DIAPH3: variants seen among roughly 807,000 people sequenced by gnomAD.
DIAPH3 encodes the protein diaphanous related formin 3.
DIAPH3 carries 117 observed loss-of-function variants against 144.3 expected under a neutral mutation model. The ratio of observed to expected loss-of-function variants is 0.81; its 90% CI spans 0.70 to 0.95. The LOEUF (loss-of-function observed/expected upper bound fraction) is 0.95. Among genes scored for constraint, DIAPH3 ranks in the 40% least tolerant of loss-of-function variants. DIAPH3 has a pLI of 0.00. For synonymous variants in DIAPH3, 519 were observed against 488.9 expected (o/e 1.06, Z -0.81); for missense variants, 1,421 against 1,412.7 (o/e 1.01, Z -0.09).
intron 17 of DIAPH3, among the ~76,000 whole-genome samples, chr13:59,927,268 C>A (rs1039080200): frequency 1.3e-5 from 2 of 152,026 alleles, no homozygotes; most frequent in Non-Finnish European, 2.9e-5. Flanking sequence ...TTTTTTTAAT[C>A]CATTCAGCCA....
chr13:59,968,936 AC>A (rs2050202295), intron 17 of DIAPH3, among the ~76,000 whole-genome samples: 1 of 152,180 alleles, frequency 6.6e-6, no homozygotes, highest in Non-Finnish European at 1.5e-5. Context: ...TCCATCCAGT[AC>A]AATCTCTCCC....
intron 1 of DIAPH3, among the ~76,000 whole-genome samples, chr13:60,152,475 C>T (rs1334447060): frequency 6.8e-6 from 1 of 147,458 alleles, no homozygotes; most frequent in African/African-American, 2.5e-5. Context: ...CACAGATTTA[C>T]TTTTAGGGAA....
intron 23 of DIAPH3, 36 bp downstream of exon 23, chr13:59,839,288 C>G: frequency 6.2e-7 from 1 of 1,610,078 alleles, no homozygotes; most frequent in Non-Finnish European, 8.5e-7. Context: ...CTCTAGTTGA[C>G]TAGTGACTTA....
chr13:59,801,128 T>C (rs1036127599), intron 25 of DIAPH3, among the ~76,000 whole-genome samples: 1 of 152,170 alleles, frequency 6.6e-6, no homozygotes, highest in African/African-American at 2.4e-5. Flanking sequence ...ATAATTGCAA[T>C]TCAGCACTAA....
chr13:59,789,582 A>C (rs980905106), intron 25 of DIAPH3, among the ~76,000 whole-genome samples: 5 of 152,134 alleles, frequency 3.3e-5, no homozygotes, highest in Non-Finnish European at 5.9e-5. Flanking sequence ...ATTTCACAGG[A>C]ATTTTCTTTC....
intron 27 of DIAPH3, among the ~76,000 whole-genome samples, chr13:59,722,914 T>C (rs1262461576): frequency 6.6e-6 from 1 of 152,174 alleles, no homozygotes; most frequent in East Asian, 1.9e-4. Flanking sequence ...ACTTACAATG[T>C]CATGATTAAA....
chr13:60,092,655 G>GAA (rs1157798538), intron 4 of DIAPH3, among the ~76,000 whole-genome samples: 1 of 143,384 alleles, frequency 7.0e-6, no homozygotes, highest in African/African-American at 2.6e-5. Flanking sequence ...CGTCTCAAAA[G>GAA]AAAAAAAAAA....
chr13:59,946,378 G>C (rs990039755), intron 17 of DIAPH3, among the ~76,000 whole-genome samples: 1 of 151,946 alleles, frequency 6.6e-6, no homozygotes, highest in African/African-American at 2.4e-5. Context: ...ATTAATGATG[G>C]GGAAAGTGAT....
intron 17 of DIAPH3, among the ~76,000 whole-genome samples, chr13:59,941,853 G>A (rs1483759049): frequency 1.2e-5 from 1 of 85,968 alleles, no homozygotes; most frequent in Admixed American, 1.4e-4. Flanking sequence ...AAGAAGGATG[G>A]CAAAAAAAAT....
chr13:60,034,674 C>T (rs978677148), intron 5 of DIAPH3: 23 of 152,272 alleles, frequency 1.5e-4, no homozygotes, highest in African/African-American at 5.1e-4. Context: ...GCACAGTGTA[C>T]CACAGCCCAG....
Position 59,833,087 on chromosome 13 carries a change from A to C in DIAPH3, c.3027+20T>G. 1 of 1,600,014 alleles carries C rather than the reference A, an allele frequency of 6.2e-7. No homozygotes were observed. Among genetic ancestry groups the C allele is most frequent in the Non-Finnish European group, 8.5e-7 (1 of 1,173,182 alleles). On this transcript the variant is annotated intron_variant, in intron 24 of 27. Transcript: ENST00000400324. ...AGTATAAATAAAAAAACTTTTTAAA[A>C]AACAATTTTTTTACCATACCATGAA... is the stretch of plus-strand genomic sequence containing the variant.
At chr13:59,852,760 A>G (rs938550471) in intron 22 of DIAPH3, among the ~76,000 whole-genome samples, 2 of 152,314 alleles carry the variant, frequency 1.3e-5, no homozygotes, top group East Asian at 3.9e-4. Flanking sequence ...GTTATGTTCT[A>G]AAGTTTGAAT....
chr13:59,796,560 T>C (rs923801100), intron 25 of DIAPH3, among the ~76,000 whole-genome samples: 1 of 152,234 alleles, frequency 6.6e-6, no homozygotes, highest in African/African-American at 2.4e-5. Flanking sequence ...GACAGAAAAC[T>C]ATGAGATTCA....
At chr13:59,929,172 T>C (rs2047895059) in intron 17 of DIAPH3, among the ~76,000 whole-genome samples, 2 of 152,182 alleles carry the variant, frequency 1.3e-5, no homozygotes, top group African/African-American at 2.4e-5. Context: ...GTAAGTATTA[T>C]GCAAACATTC....
chr13:59,728,591 C>T (rs921196278), intron 27 of DIAPH3, among the ~76,000 whole-genome samples: 1 of 151,500 alleles, frequency 6.6e-6, no homozygotes. Flanking sequence ...AATGTATTAC[C>T]TATTAAAAAT....
intron 27 of DIAPH3, among the ~76,000 whole-genome samples, chr13:59,727,768 C>G (rs1056809815): frequency 6.6e-6 from 1 of 152,096 alleles, no homozygotes; most frequent in Non-Finnish European, 1.5e-5. Flanking sequence ...AATTTCTTGT[C>G]TAGTCTGTTA....
chr13:59,990,219 T>C (rs2051722525), intron 12 of DIAPH3, among the ~76,000 whole-genome samples: 1 of 151,832 alleles, frequency 6.6e-6, no homozygotes, highest in South Asian at 2.1e-4. Context: ...ATGCATGTCC[T>C]ATCCTCATCC....
chr13:60,137,774 T>C (rs1004011340), intron 1 of DIAPH3, among the ~76,000 whole-genome samples: 15 of 150,824 alleles, frequency 9.9e-5, no homozygotes, highest in Non-Finnish European at 1.9e-4. Flanking sequence ...GACACAGTCT[T>C]GCTCGGTCAC....
At chr13:59,872,001 A>G (rs1239133958) in intron 21 of DIAPH3, among the ~76,000 whole-genome samples, 4 of 152,264 alleles carry the variant, frequency 2.6e-5, no homozygotes, top group Admixed American at 2.0e-4. Flanking sequence ...TAGCTTGGCT[A>G]TTGATCTTTT....
Sources: allele counts gnomAD v4.1 joint callset (sites outside exome capture counted in the v4.1 genomes callset), GRCh38; gene constraint gnomAD v4.1.1; transcripts MANE v1.5; gene names NCBI Gene and HGNC (gene_info 2026-07-23, HGNC 2026-07-21).